CNTNAP5: variants seen among roughly 807,000 people sequenced by gnomAD.
The protein encoded by CNTNAP5 is contactin associated protein family member 5.
Under a neutral mutation model 150.2 loss-of-function variants are expected in CNTNAP5, and 72 were observed. The observed-to-expected ratio is 0.48, with a 90% CI of 0.40 to 0.58. The LOEUF (loss-of-function observed/expected upper bound fraction) is 0.58. Among genes scored for constraint, CNTNAP5 ranks in the 20% least tolerant of loss-of-function variants. CNTNAP5 has a pLI of 0.00. For missense variants in CNTNAP5, 1,636 were observed against 1,626.2 expected (o/e 1.01, Z -0.10); for synonymous variants, 672 against 619.8 (o/e 1.08, Z -1.25).
chr2:124,105,083 C>T (rs922388012), intron 1 of CNTNAP5, among the ~76,000 whole-genome samples: 1 of 139,754 alleles, frequency 7.2e-6, no homozygotes, highest in Non-Finnish European at 1.7e-5. Context: ...TTTTAATACA[C>T]ACCTATTAGC....
Position 124,462,997 on chromosome 2 carries a change from T to G in CNTNAP5, c.919-11742T>G, listed in dbSNP as rs112046154. ...TGTTGAGGCAGGAAACTGGGTGTTG[T>G]GTGCAGAGATCATGTTCTGGAAGGC... On this transcript the variant is annotated intron_variant, in intron 6 of 23. Coordinates refer to ENST00000682447, the MANE Select transcript of CNTNAP5 (RefSeq NM_001367498.1). 4.1e-4 allele frequency among the ~76,000 whole-genome samples: 62 copies of G among 152,272 alleles called. 3 individuals carry two copies. The highest frequency in any genetic ancestry group is 1.4e-3 in the African/African-American group (60 of 41,558).
At chr2:124,830,438 G>C (rs1682688978) in intron 19 of CNTNAP5, among the ~76,000 whole-genome samples, 1 of 151,978 alleles carries the variant, frequency 6.6e-6, no homozygotes, top group South Asian at 2.1e-4. Context: ...ACCTCCCATA[G>C]TGTCATTGCC....
chr2:124,615,754 G>A (rs778049241), intron 12 of CNTNAP5, among the ~76,000 whole-genome samples: 15 of 152,108 alleles, frequency 9.9e-5, no homozygotes, highest in Non-Finnish European at 2.1e-4. Context: ...TACTATCTAT[G>A]GCATTTGTAG....
intron 6 of CNTNAP5, among the ~76,000 whole-genome samples, chr2:124,448,366 A>G (rs1692880813): frequency 1.3e-5 from 2 of 152,008 alleles, no homozygotes; most frequent in South Asian, 2.1e-4. Context: ...TTATTTCACT[A>G]TATTATATCG....
At chr2:124,450,489 G>A (rs1026887193) in intron 6 of CNTNAP5, among the ~76,000 whole-genome samples, 1 of 142,566 alleles carries the variant, frequency 7.0e-6, no homozygotes, top group Non-Finnish European at 1.5e-5. Flanking sequence ...GCACTAAGAT[G>A]TCTGCAGTGG....
intron 13 of CNTNAP5, among the ~76,000 whole-genome samples, chr2:124,652,066 C>G (rs1043513316): frequency 6.6e-6 from 1 of 152,216 alleles, no homozygotes; most frequent in African/African-American, 2.4e-5. Context: ...AACCATGACA[C>G]TGTCATTTTA....
chr2:124,416,936 C>CTTTTTTTTTTTTTTTTTTTTTTTTTTTT (rs70996064), intron 3 of CNTNAP5, among the ~76,000 whole-genome samples: 1 of 106,600 alleles, frequency 9.4e-6, no homozygotes, highest in Non-Finnish European at 1.9e-5. Flanking sequence ...AGAGGGATTT[C>CTTTTTTTTTTTTTTTTTTTTTTTTTTTT]TTTTTTTTTT....
chr2:124,601,546 C>A (rs1696983565), intron 11 of CNTNAP5, among the ~76,000 whole-genome samples: 1 of 152,128 alleles, frequency 6.6e-6, no homozygotes, highest in African/African-American at 2.4e-5. Context: ...ATTAACCAAA[C>A]AAGCACAGCT....
chr2:124,211,823 T>A (rs138202058), intron 1 of CNTNAP5, among the ~76,000 whole-genome samples: 323 of 152,324 alleles, frequency 2.1e-3, no homozygotes, highest in Middle Eastern at 0.01. Context: ...AGAATCATTA[T>A]GCCTAGACCC....
intron 13 of CNTNAP5, among the ~76,000 whole-genome samples, chr2:124,685,182 C>T (rs958617332): frequency 4.6e-5 from 7 of 152,118 alleles, no homozygotes; most frequent in South Asian, 2.1e-4. Flanking sequence ...AAAATCCCCT[C>T]GGATACTTCT....
chr2:124,180,318 G>T (rs1307282278), intron 1 of CNTNAP5, among the ~76,000 whole-genome samples: 1 of 151,974 alleles, frequency 6.6e-6, no homozygotes, highest in Non-Finnish European at 1.5e-5. Flanking sequence ...GGAAGCGCTT[G>T]GTGGAAATTT....
intron 11 of CNTNAP5, among the ~76,000 whole-genome samples, chr2:124,592,892 G>C (rs1382404040): frequency 1.3e-5 from 2 of 151,658 alleles, no homozygotes; most frequent in African/African-American, 4.8e-5. Flanking sequence ...TTCCCAGTTT[G>C]TCCATTTGCC....
At chr2:124,225,844 G>A (rs1489929588) in intron 2 of CNTNAP5, among the ~76,000 whole-genome samples, 1 of 152,232 alleles carries the variant, frequency 6.6e-6, no homozygotes, top group Non-Finnish European at 1.5e-5. Flanking sequence ...ACATTTTTCA[G>A]ATTCCTCATA....
intron 13 of CNTNAP5, among the ~76,000 whole-genome samples, chr2:124,704,975 C>G (rs1012774810): frequency 7.9e-5 from 12 of 152,172 alleles, no homozygotes; most frequent in Non-Finnish European, 1.6e-4. Flanking sequence ...TGTAGTCTTG[C>G]TGCTGCCTAT....
chr2:124,860,017 C>G (rs962333289), intron 19 of CNTNAP5, among the ~76,000 whole-genome samples: 2 of 151,636 alleles, frequency 1.3e-5, no homozygotes, highest in Non-Finnish European at 2.9e-5. Flanking sequence ...ATGTAACAAA[C>G]CTGTACATTG....
At chr2:124,275,112 C>G (rs531047378) in intron 3 of CNTNAP5, among the ~76,000 whole-genome samples, 1 of 152,146 alleles carries the variant, frequency 6.6e-6, no homozygotes, top group Non-Finnish European at 1.5e-5. Flanking sequence ...TCTCATGAGA[C>G]ATATTCACTA....
intron 13 of CNTNAP5, among the ~76,000 whole-genome samples, chr2:124,702,165 C>T (rs563585215): frequency 8.2e-4 from 125 of 151,752 alleles, no homozygotes; most frequent in African/African-American, 1.6e-3. Flanking sequence ...TCAGGGCTAG[C>T]GGAAAAAGAA....
intron 1 of CNTNAP5, among the ~76,000 whole-genome samples, chr2:124,183,942 TATGTGATTA>T (rs1471723878): frequency 6.6e-6 from 1 of 152,162 alleles, no homozygotes; most frequent in Non-Finnish European, 1.5e-5. Context: ...CCTAATAGAT[TATGTGATTA>T]AGTCTCAGCA....
intron 11 of CNTNAP5, among the ~76,000 whole-genome samples, chr2:124,586,387 C>T (rs1369023659): frequency 1.3e-5 from 2 of 152,204 alleles, no homozygotes; most frequent in Non-Finnish European, 2.9e-5. Flanking sequence ...ATGAGGACAG[C>T]TTAGCTACTA....
Sources: gnomAD v4.1 joint callset for allele counts (sites outside exome capture counted in the v4.1 genomes callset) on GRCh38, gnomAD v4.1.1 for gene constraint, MANE v1.5 for transcripts, NCBI Gene and HGNC (gene_info 2026-07-23, HGNC 2026-07-21) for gene names.